The following MRPL2 variants were observed in gnomAD, a reference collection of about 807,000 sequenced individuals.
The protein encoded by MRPL2 is mitochondrial ribosomal protein L2, also known as large ribosomal subunit protein uL2m.
In MRPL2, 27 loss-of-function variants were observed where a neutral mutation model predicts 34.6. The ratio of observed to expected loss-of-function variants is 0.78; its 90% CI spans 0.58 to 1.08. MRPL2 has a LOEUF of 1.08. Among genes scored for constraint, MRPL2 ranks in the 50% least tolerant of loss-of-function variants. The probability of loss-of-function intolerance (pLI) is 0.00; values close to 1 mark genes in which losing one functional copy is unlikely to be tolerated. For missense variants in MRPL2, 414 were observed against 419.3 expected, an observed-to-expected ratio of 0.99 and a Z score of 0.11; for synonymous variants, 155 against 158.0, an observed-to-expected ratio of 0.98 and a Z score of 0.14.
intron 1 of MRPL2, 48 bp from the exon 2 acceptor site, chr6:43,058,281 A>C: frequency 6.3e-7 from 1 of 1,593,536 alleles, no homozygotes; most frequent in Non-Finnish European, 8.6e-7. Context: ...ATTGAAGGCA[A>C]AGCATCAGAG....
chr6:43,058,148 G>C lies in MRPL2; in HGVS notation c.182C>G (p.Ala61Gly). The change falls in exon 2 of 7, where the codon GCC becomes GGC. Residue 61 changes from alanine to glycine, a missense_variant. Transcript: ENST00000388752. ...ACGACTCTTCCAGGACACAAAGTTGGCATTAAGGGCCACAGAAGTAAGAAC... is the reference window on the plus strand; with the variant it reads ...ACGACTCTTCCAGGACACAAAGTTGCCATTAAGGGCCACAGAAGTAAGAAC... ...RPVLTSVALNANFVSWKSRTK... is the reference protein window; with the variant it reads ...RPVLTSVALNGNFVSWKSRTK... The C allele has an allele frequency of 1.9e-6, 3 of 1,614,172 alleles. No homozygotes were observed. Among genetic ancestry groups the C allele is most frequent in the Non-Finnish European group, 2.5e-6 (3 of 1,180,038 alleles).
At chr6:43,056,713 T>C (rs1395124861) in intron 2 of MRPL2, among the ~76,000 whole-genome samples, 3 of 152,240 alleles carry the variant, frequency 2.0e-5, no homozygotes. Flanking sequence ...CTCACTCTGT[T>C]GCCCAGGCTG....
At chr6:43,054,959 T>TC (rs1407988006) in intron 6 of MRPL2, among the ~76,000 whole-genome samples, 1 of 151,754 alleles carries the variant, frequency 6.6e-6, no homozygotes, top group Non-Finnish European at 1.5e-5. Flanking sequence ...GCGCCTGTAG[T>TC]CCCAGCTACT....
At position 43,054,099 on chromosome 6, in the gene MRPL2, A is replaced by C. The variant is rs943139230; in HGVS notation, c.*175T>G. The C allele has an allele frequency of 3.1e-6, 2 of 636,918 alleles. No homozygotes were observed. Among genetic ancestry groups the C allele is most frequent in the African/African-American group, 1.8e-5 (1 of 54,110 alleles). The allele number at this position is 636,918 out of a possible 1,614,324, so 39.5% of individuals were successfully genotyped here. ...AGGGAATTGGGGTGGGGACAGACCC[A>C]GTGTCCTGTACTTTCTCTTCCACAC... is the stretch of plus-strand genomic sequence containing the variant. On this transcript the variant is annotated 3_prime_UTR_variant, in exon 7 of 7. Transcript: ENST00000388752.
In MRPL2 at chr6:43,056,343, T is replaced by C. The variant is rs781756542; in HGVS notation, c.368A>G (p.Glu123Gly). 12 of 1,614,160 alleles carry C rather than the reference T, an allele frequency of 7.4e-6. No homozygotes were observed. The highest frequency in any genetic ancestry group is 1.0e-5 in the Non-Finnish European group (12 of 1,180,022). ...ATAGCGGACTTGGATAACCTTCTCC[T>C]CAAAGGGTCCTGACTTGGTCTCCTC... ...RPEETKSGPF[E>G]EKVIQVRYDP... Residue 123 changes from glutamate to glycine, a missense_variant, in exon 3 of 7, where the codon GAG (glutamate) becomes GGG (glycine). Glu to Gly is a moderately conservative substitution (Grantham distance 98). Coordinates refer to ENST00000388752, the MANE Select transcript of MRPL2 (RefSeq NM_015950.5).
rs139437856 is a variant in MRPL2, at chr6:43,056,973, A to C, written c.266-528T>G. Among the ~76,000 whole-genome samples the C allele has an allele frequency of 9.1e-3, 1,381 of 152,268 alleles. 11 individuals carry two copies. Among genetic ancestry groups the C allele is most frequent in the Non-Finnish European group, 0.015 (1,050 of 67,994 alleles). On this transcript the variant is annotated intron_variant, in intron 2 of 6. Coordinates refer to ENST00000388752, the MANE Select transcript of MRPL2 (RefSeq NM_015950.5). ...CAGGCGTGAGCCACTGCGCCCAGCC[A>C]AAATATTTTCAAATTACTGAAATCA...
intron 5 of MRPL2, 138 bp from the exon 6 acceptor site, chr6:43,055,756 T>C (rs1212433325): frequency 1.7e-5 from 22 of 1,283,310 alleles, no homozygotes; most frequent in Non-Finnish European, 2.3e-5. Flanking sequence ...TGCTATGTTT[T>C]AGGTAAAAAC....
upstream of MRPL2, chr6:43,059,590 C>A: frequency 7.1e-7 from 1 of 1,415,322 alleles, no homozygotes; most frequent in Non-Finnish European, 9.2e-7. Flanking sequence ...GGCCCCGCCC[C>A]CCCAGACCCG....
upstream of MRPL2, chr6:43,059,522 C>A (rs2150348057): frequency 2.8e-6 from 4 of 1,431,996 alleles, no homozygotes; most frequent in Middle Eastern, 7.7e-4. Context: ...TCCTTTCCTA[C>A]CTGAACGCCG....
intron 6 of MRPL2, among the ~76,000 whole-genome samples, chr6:43,055,313 C>G (rs1381781665): frequency 2.6e-5 from 4 of 151,896 alleles, no homozygotes; most frequent in Admixed American, 6.6e-5. Context: ...GAGCCCAGAT[C>G]GTGCCATTGC....
chr6:43,054,228 C>CATTT lies in MRPL2; in HGVS notation c.*45_*46insAAAT. 1 of 1,231,626 alleles carries CATTT rather than the reference C, an allele frequency of 8.1e-7. No individual in the cohort carries two copies. The highest frequency in any genetic ancestry group is 1.1e-6 in the Non-Finnish European group (1 of 898,676). The allele number at this position is 1,231,626 out of a possible 1,614,324, so 76.3% of individuals were successfully genotyped here. A position where few individuals can be genotyped will look rare whatever the true frequency, so the allele number is the denominator to read the frequency against. On this transcript the variant is annotated 3_prime_UTR_variant, in exon 7 of 7. Transcript: ENST00000388752. ...AACACCCAAAACAAAACCACAGTAA[C>CATTT]AGATTAAAACGGGGGGGGGGGGCAT...
chr6:43,056,427 C>T lies in MRPL2; in HGVS notation c.284G>A (p.Gly95Asp). ...ACGTTGCTTGTGGCCCCCGCCAATA[C>T]CATGCACCCGGATTCGGCCTGTGGT... ...RDHTGRIRVH[G>D]IGGGHKQRYR... is the part of the protein sequence containing the mutation. Residue 95 changes from glycine to aspartate, a missense_variant, in exon 3 of 7, where the codon GGT becomes GAT. Transcript: ENST00000388752. 6.2e-7 allele frequency: 1 copy of T among 1,614,176 alleles called. No individual in the cohort carries two copies. Among genetic ancestry groups the T allele is most frequent in the South Asian group, 1.1e-5 (1 of 91,086 alleles).
chr6:43,057,880 A>G (rs544117361), intron 2 of MRPL2, 185 bp downstream of exon 2: 20 of 588,580 alleles, frequency 3.4e-5, no homozygotes, highest in Non-Finnish European at 4.9e-5. Flanking sequence ...GCATAGACCA[A>G]TTACCTATTG....
chr6:43,056,460 AG>A lies in MRPL2; in HGVS notation c.266-16del. 1 of 1,614,086 alleles carries A rather than the reference AG, an allele frequency of 6.2e-7. No individual in the cohort carries two copies. Among genetic ancestry groups the A allele is most frequent in the Non-Finnish European group, 8.5e-7 (1 of 1,180,002 alleles). On this transcript the variant is annotated splice_polypyrimidine_tract_variant and intron_variant, in intron 2 of 6. Coordinates refer to ENST00000388752, the MANE Select transcript of MRPL2 (RefSeq NM_015950.5). ...CCGGATTCGGCCTGTGGTTTAGGACAGTTGGGGGATATGATTCAGGTCAGAG... is the reference window on the plus strand; with the variant it reads ...CCGGATTCGGCCTGTGGTTTAGGACATTGGGGGATATGATTCAGGTCAGAG...
Position 43,054,090 on chromosome 6 carries a change from GA to G in MRPL2, c.*183del. ...TTACTTGTAAGGGAATTGGGGTGGG[GA>G]CAGACCCAGTGTCCTGTACTTTCTC... On this transcript the variant is annotated 3_prime_UTR_variant, in exon 7 of 7. Transcript: ENST00000388752. The G allele has an allele frequency of 1.6e-6, 1 of 635,068 alleles. No individual in the cohort carries two copies. The highest frequency in any genetic ancestry group is 2.8e-5 in the East Asian group (1 of 36,046). The allele number at this position is 635,068 out of a possible 1,614,324, so 39.3% of individuals were successfully genotyped here. A position where few individuals can be genotyped will look rare whatever the true frequency, so the allele number is the denominator to read the frequency against.
At chr6:43,058,015 T>TA in intron 2 of MRPL2, 50 bp downstream of exon 2, 2 of 1,595,132 alleles carry the variant, frequency 1.3e-6, no homozygotes, top group Non-Finnish European at 1.7e-6. Flanking sequence ...TCTAGGGTCT[T>TA]AACATGTTTT....
At position 43,058,056 on chromosome 6, in the gene MRPL2, T is replaced by C; in HGVS notation, c.265+9A>G. ...TTGACTGCTTAAATCCCCCTGTCCT[T>C]GTTCCCACCTGTGTGGTCTCGGCCC... On this transcript the variant is annotated intron_variant, in intron 2 of 6. Coordinates refer to ENST00000388752, the MANE Select transcript of MRPL2 (RefSeq NM_015950.5). 6.2e-7 allele frequency: 1 copy of C among 1,613,708 alleles called. No homozygotes were observed. Among genetic ancestry groups the C allele is most frequent in the Middle Eastern group, 1.7e-4 (1 of 5,772 alleles).
At chr6:43,059,599 C>G, upstream of MRPL2, 14 of 1,406,416 alleles carry the variant, frequency 1.0e-5, no homozygotes, top group Non-Finnish European at 1.3e-5. Context: ...CCCCCAGACC[C>G]GTCAAAACAA....
intron 1 of MRPL2, 129 bp from the exon 2 acceptor site, chr6:43,058,362 T>A (rs1427229223): frequency 2.3e-6 from 2 of 858,306 alleles, no homozygotes; most frequent in African/African-American, 3.4e-5. Context: ...CCAAACCAGC[T>A]ATCCAAAAAC....
Sources: gnomAD v4.1 joint callset for allele counts (sites outside exome capture counted in the v4.1 genomes callset) on GRCh38, gnomAD v4.1.1 for gene constraint, MANE v1.5 for transcripts, NCBI Gene and HGNC (gene_info 2026-07-23, HGNC 2026-07-21) for gene names.